Variants in SMIM17 observed in about 807,000 individuals in gnomAD.
SMIM17 encodes small integral membrane protein 17.
In SMIM17, 10 loss-of-function variants were observed where a neutral mutation model predicts 12.2. The ratio of observed to expected loss-of-function variants is 0.82; its 90% CI spans 0.50 to 1.39. The LOEUF (loss-of-function observed/expected upper bound fraction) is 1.39, where lower values mean the gene tolerates loss of function less well. Among genes scored for constraint, SMIM17 ranks in the 40% most tolerant of loss-of-function variants. The pLI is 0.00. For synonymous variants in SMIM17, 50 were observed against 44.1 expected (o/e 1.13, Z -0.53); for missense variants, 136 against 118.2 (o/e 1.15, Z -0.70).
chr19:56,654,253 C>T (rs1182500975), intron 3 of SMIM17, among the ~76,000 whole-genome samples: 2 of 152,108 alleles, frequency 1.3e-5, no homozygotes, highest in Non-Finnish European at 2.9e-5. Context: ...AAGGGGCATG[C>T]ATAGTGCAGG....
intron 2 of SMIM17, among the ~76,000 whole-genome samples, chr19:56,646,634 A>G (rs2045065317): frequency 1.3e-5 from 2 of 152,190 alleles, no homozygotes; most frequent in African/African-American, 4.8e-5. Context: ...AGGGCTAGGA[A>G]GTCAAGAATG....
intron 2 of SMIM17, 102 bp from the exon 3 acceptor site, chr19:56,647,456 C>T: frequency 1.5e-6 from 1 of 676,274 alleles, no homozygotes; most frequent in Non-Finnish European, 2.4e-6. Flanking sequence ...AGAGAGGAGG[C>T]TATTACTAGA....
At chr19:56,644,243 T>C (rs769303623) in intron 1 of SMIM17, among the ~76,000 whole-genome samples, 27 of 151,916 alleles carry the variant, frequency 1.8e-4, no homozygotes, top group Non-Finnish European at 3.5e-4. Context: ...AATAAACAAA[T>C]CAGAACTCCC....
intron 3 of SMIM17, among the ~76,000 whole-genome samples, chr19:56,648,437 T>G (rs1302934191): frequency 6.6e-6 from 1 of 152,004 alleles, no homozygotes; most frequent in Non-Finnish European, 1.5e-5. Flanking sequence ...ATATATCCAG[T>G]TATCCATATA....
chr19:56,650,578 C>A (rs1056419317), intron 3 of SMIM17, among the ~76,000 whole-genome samples: 3 of 151,300 alleles, frequency 2.0e-5, no homozygotes, highest in African/African-American at 7.4e-5. Context: ...ATGGTTTCCT[C>A]CTCTACAGAT....
chr19:56,644,597 C>T (rs2045047830), intron 1 of SMIM17, among the ~76,000 whole-genome samples: 1 of 152,238 alleles, frequency 6.6e-6, no homozygotes, highest in Non-Finnish European at 1.5e-5. Flanking sequence ...GGTGCAGCTT[C>T]TTCAGACAGG....
Position 56,655,465 on chromosome 19 carries a change from AT to A in SMIM17, c.*253del. On this transcript the variant is annotated 3_prime_UTR_variant, in exon 4 of 4. Coordinates refer to ENST00000598409, the MANE Select transcript of SMIM17 (RefSeq NM_001193628.2). ...CACGGAGAAAGAAAAGTGCTAATTA[AT>A]CATTAAGATGCCACCAACTGGAAGA... is the stretch of plus-strand genomic sequence containing the variant. The A allele has an allele frequency of 2.4e-6, 1 of 408,470 alleles. No individual in the cohort carries two copies. Among genetic ancestry groups the A allele is most frequent in the Non-Finnish European group, 4.3e-6 (1 of 232,248 alleles). The allele number at this position is 408,470 out of a possible 1,614,324, so 25.3% of individuals were successfully genotyped here.
rs578245683 is a variant in SMIM17, at chr19:56,650,339, A to G, written c.246+2705A>G. On this transcript the variant is annotated intron_variant, in intron 3 of 3. Coordinates refer to ENST00000598409, the MANE Select transcript of SMIM17 (RefSeq NM_001193628.2). Reference sequence around the variant, plus strand: ...CAGGCGCACACCACCATGCCCAGCTAATTCTTGTATTTTTAGTAGAAATGG... The same window carrying G: ...CAGGCGCACACCACCATGCCCAGCTGATTCTTGTATTTTTAGTAGAAATGG... Among the ~76,000 whole-genome samples the G allele has an allele frequency of 1.6e-3, 246 of 152,038 alleles. 1 individual carries two copies. Among genetic ancestry groups the G allele is most frequent in the African/African-American group, 5.6e-3 (231 of 41,446 alleles).
rs1211208635 is a variant in SMIM17 at position 56,655,476 on chromosome 19, G to T, written c.*263G>T. 1 of 404,928 alleles carries T rather than the reference G, an allele frequency of 2.5e-6. No individual in the cohort carries two copies. Among genetic ancestry groups the T allele is most frequent in the Non-Finnish European group, 4.3e-6 (1 of 230,082 alleles). 25.1% of individuals were successfully genotyped at this position (404,928 alleles called of 1,614,324 possible). On this transcript the variant is annotated 3_prime_UTR_variant, in exon 4 of 4. Transcript: ENST00000598409. Reference sequence around the variant, plus strand: ...AAAAGTGCTAATTAATCATTAAGATGCCACCAACTGGAAGATATCTCCTGA... The same window carrying T: ...AAAAGTGCTAATTAATCATTAAGATTCCACCAACTGGAAGATATCTCCTGA...
Position 56,656,611 on chromosome 19 carries a change from C to T in SMIM17, c.*1398C>T, listed in dbSNP as rs143782787. On this transcript the variant is annotated 3_prime_UTR_variant, in exon 4 of 4. Transcript: ENST00000598409. ...TTTTCTATAATAGCATACTTATTAA[C>T]GCAAATGTACTTCTGGATATAGCGT... Among the ~76,000 whole-genome samples, 397 of 152,112 alleles carry T rather than the reference C, an allele frequency of 2.6e-3. 2 individuals are homozygous for T. The highest frequency in any genetic ancestry group is 8.5e-3 in the African/African-American group (352 of 41,476).
intron 3 of SMIM17, among the ~76,000 whole-genome samples, chr19:56,648,273 AC>A (rs959373740): frequency 6.8e-5 from 10 of 147,956 alleles, no homozygotes; most frequent in Non-Finnish European, 1.5e-4. Context: ...CTTTCCATTC[AC>A]CTGTCCATTC....
rs111372161 is a variant in SMIM17, at chr19:56,651,612, C to T, written c.247-3491C>T. Among the ~76,000 whole-genome samples the T allele has an allele frequency of 2.5e-3, 384 of 152,252 alleles. 1 individual carries two copies. The highest frequency in any genetic ancestry group is 8.9e-3 in the African/African-American group (370 of 41,546). On this transcript the variant is annotated intron_variant, in intron 3 of 3. Coordinates refer to ENST00000598409, the MANE Select transcript of SMIM17 (RefSeq NM_001193628.2). ...CAGAAATAACCCCTGGTAAAAGTTG[C>T]TGTAACAGGCCAAATTCATCCATAG...
At chr19:56,650,783 C>A (rs1032092834) in intron 3 of SMIM17, among the ~76,000 whole-genome samples, 19 of 152,204 alleles carry the variant, frequency 1.2e-4, no homozygotes, top group African/African-American at 2.2e-4. Flanking sequence ...CACGTGAATT[C>A]TGATGTGGGG....
At chr19:56,646,704 G>A (rs1200406354) in intron 2 of SMIM17, among the ~76,000 whole-genome samples, 1 of 152,180 alleles carries the variant, frequency 6.6e-6, no homozygotes, top group African/African-American at 2.4e-5. Context: ...TGAGGTAAGT[G>A]GAGAGATTTG....
chr19:56,648,065 CCATCCAT>C (rs2045078822), intron 3 of SMIM17, among the ~76,000 whole-genome samples: 1 of 143,756 alleles, frequency 7.0e-6, no homozygotes, highest in Non-Finnish European at 1.5e-5. Context: ...ATCCATCCAT[CCATCCAT>C]CCATCCATCC....
In SMIM17 at chr19:56,651,997, A is replaced by T. The variant is rs189557604; in HGVS notation, c.247-3106A>T. On this transcript the variant is annotated intron_variant, in intron 3 of 3. Transcript: ENST00000598409. ...CACATGCCTGTAATCCCAGCTACTC[A>T]GGAGACTGAGGCAGGAGAATCGCTT... 3.3e-3 allele frequency among the ~76,000 whole-genome samples: 504 copies of T among 150,696 alleles called. 2 individuals carry two copies. The highest frequency in any genetic ancestry group is 4.8e-3 in the Admixed American group (73 of 15,112).
chr19:56,650,396 T>C (rs1347635542), intron 3 of SMIM17, among the ~76,000 whole-genome samples: 3 of 152,118 alleles, frequency 2.0e-5, no homozygotes, highest in Non-Finnish European at 4.4e-5. Context: ...ATGGTCTTGA[T>C]CTCTTGACCT....
Position 56,655,521 on chromosome 19 carries a change from T to C in SMIM17, c.*308T>C, listed in dbSNP as rs2045143716. Reference sequence around the variant, plus strand: ...TCCTGACTTTGAGAAGATGAAAAAATGTGCAACTGAAGATCAATGAAATCT... The same window carrying C: ...TCCTGACTTTGAGAAGATGAAAAAACGTGCAACTGAAGATCAATGAAATCT... On this transcript the variant is annotated 3_prime_UTR_variant, in exon 4 of 4. Coordinates refer to ENST00000598409, the MANE Select transcript of SMIM17 (RefSeq NM_001193628.2). The C allele has an allele frequency of 2.8e-6, 1 of 359,566 alleles. No individual in the cohort carries two copies. Among genetic ancestry groups the C allele is most frequent in the African/African-American group, 2.1e-5 (1 of 47,896 alleles). 22.3% of individuals were successfully genotyped at this position (359,566 alleles called of 1,614,324 possible). A position where few individuals can be genotyped will look rare whatever the true frequency, so the allele number is the denominator to read the frequency against.
Position 56,643,396 on chromosome 19 carries a change from C to A in SMIM17, c.-101+186C>A, listed in dbSNP as rs528142542. Among the ~76,000 whole-genome samples the A allele has an allele frequency of 1.2e-4, 19 of 152,290 alleles. 1 individual carries two copies. The South Asian group carries it at 3.9e-3, about 32-fold the overall frequency. On this transcript the variant is annotated intron_variant, in intron 1 of 3. Transcript: ENST00000598409. ...GGGAGAGGGCGTCTCCAAGCCCGTC[C>A]GGTGGGAGAGGACCGGGGTCTGTCG...
Sources: allele counts gnomAD v4.1 joint callset (sites outside exome capture counted in the v4.1 genomes callset), GRCh38; gene constraint gnomAD v4.1.1; transcripts MANE v1.5; gene names NCBI Gene and HGNC (gene_info 2026-07-23, HGNC 2026-07-21).